USP3: variants seen among roughly 807,000 people sequenced by gnomAD.
USP3 encodes ubiquitin specific peptidase 3.
USP3 carries 20 observed loss-of-function variants against 72.3 expected under a neutral mutation model. The ratio of observed to expected loss-of-function variants is 0.28; its 90% CI spans 0.19 to 0.40. The LOEUF (loss-of-function observed/expected upper bound fraction) is 0.40. Ranked by LOEUF, USP3 falls within the 10% of genes least tolerant of loss-of-function variation. The probability of loss-of-function intolerance (pLI) is 1.00; values close to 1 mark genes in which losing one functional copy is unlikely to be tolerated. For synonymous variants in USP3, 222 were observed against 225.3 expected, an observed-to-expected ratio of 0.99 and a Z score of 0.13; for missense variants, 479 against 633.9, an observed-to-expected ratio of 0.76 and a Z score of 2.62.
chr15:63,512,293 T>C (rs926989519), intron 1 of USP3, among the ~76,000 whole-genome samples: 4 of 143,374 alleles, frequency 2.8e-5, no homozygotes, highest in African/African-American at 1.2e-4. Flanking sequence ...CTTCTTCCTC[T>C]TCTTCTTCCT....
At chr15:63,590,543 C>T in intron 14 of USP3, 118 bp from the exon 15 acceptor site, 1 of 1,025,892 alleles carries the variant, frequency 9.7e-7, no homozygotes, top group Non-Finnish European at 1.3e-6. Flanking sequence ...TAACAAGCAT[C>T]TTAAATCAAA....
At chr15:63,590,550 C>CAA in intron 14 of USP3, 111 bp from the exon 15 acceptor site, 1 of 1,062,244 alleles carries the variant, frequency 9.4e-7, no homozygotes, top group Non-Finnish European at 1.3e-6. Context: ...CATCTTAAAT[C>CAA]AAAAGTCTAG....
chr15:63,580,181 C>CA (rs2066930206), intron 11 of USP3, among the ~76,000 whole-genome samples: 1 of 151,978 alleles, frequency 6.6e-6, no homozygotes, highest in Admixed American at 6.5e-5. Context: ...AACATAGCTA[C>CA]AAAATATTGT....
In USP3 at chr15:63,583,848, C is replaced by T. The variant is rs79576443; in HGVS notation, c.1097-4457C>T. The stretch of plus-strand genomic sequence containing the variant: ...AATATTCTCTGGTATGTATAGACTA[C>T]ATTCTGTTTATCCATTCATCTGTTG... On this transcript the variant is annotated intron_variant, in intron 11 of 14. Transcript: ENST00000380324. Among the ~76,000 whole-genome samples the T allele has an allele frequency of 6.8e-3, 1,035 of 152,278 alleles. 14 individuals are homozygous for T. The highest frequency in any genetic ancestry group is 0.024 in the African/African-American group (995 of 41,540).
intron 11 of USP3, among the ~76,000 whole-genome samples, chr15:63,583,030 T>G (rs1041555735): frequency 2.0e-5 from 3 of 152,118 alleles, no homozygotes; most frequent in African/African-American, 7.2e-5. Flanking sequence ...ACCTGCCAAC[T>G]CAGTAGTAGC....
rs573557317 is a variant in USP3 at position 63,544,262 on chromosome 15, G to A, written c.284+7106G>A. ...GAGAGGGTAGTGGATACTCAGTTTT[G>A]TGGTTTATTTTTTAACTTGATTAGG... On this transcript the variant is annotated intron_variant, in intron 3 of 14. Coordinates refer to ENST00000380324, the MANE Select transcript of USP3 (RefSeq NM_006537.4). The surrounding 1 kb of genome is among the most constrained non-coding windows in gnomAD (Gnocchi z 4.2). 349 of 152,890 alleles carry A rather than the reference G, an allele frequency of 2.3e-3. No individual in the cohort carries two copies. Among genetic ancestry groups the A allele is most frequent in the Admixed American group, 3.2e-3 (50 of 15,436 alleles). The allele number at this position is 152,890 out of a possible 1,614,324, so 9.5% of individuals were successfully genotyped here. A position where few individuals can be genotyped will look rare whatever the true frequency, so the allele number is the denominator to read the frequency against.
rs142307903 is a variant in USP3 at position 63,543,693 on chromosome 15, C to T, written c.284+6537C>T. On this transcript the variant is annotated intron_variant, in intron 3 of 14. Coordinates refer to ENST00000380324, the MANE Select transcript of USP3 (RefSeq NM_006537.4). ...GGTTTTAAATTCTGCAAGATAGTGACGATGATGTAAACACAAGAAAAGGGC... is the reference window on the plus strand; with the variant it reads ...GGTTTTAAATTCTGCAAGATAGTGATGATGATGTAAACACAAGAAAAGGGC... 4.4e-3 allele frequency among the ~76,000 whole-genome samples: 673 copies of T among 152,230 alleles called. 3 individuals are homozygous for T. Among genetic ancestry groups the T allele is most frequent in the African/African-American group, 0.015 (626 of 41,526 alleles).
At chr15:63,535,723 C>G (rs2066145645) in intron 2 of USP3, among the ~76,000 whole-genome samples, 1 of 152,050 alleles carries the variant, frequency 6.6e-6, no homozygotes, top group Admixed American at 6.6e-5. Context: ...TTGAATGTGC[C>G]CAGTTTTCCT....
At chr15:63,523,620 G>A (rs570893498) in intron 1 of USP3, among the ~76,000 whole-genome samples, 2 of 152,308 alleles carry the variant, frequency 1.3e-5, no homozygotes, top group African/African-American at 4.8e-5. Context: ...CCTGGTCACT[G>A]TGCCCCTTCC....
At chr15:63,543,450 G>C (rs1349685014) in intron 3 of USP3, among the ~76,000 whole-genome samples, 1 of 152,012 alleles carries the variant, frequency 6.6e-6, no homozygotes, top group Non-Finnish European at 1.5e-5. Context: ...TATTTGGGAG[G>C]AGAAAAGAAA....
chr15:63,519,717 C>T (rs2065893111), intron 1 of USP3, among the ~76,000 whole-genome samples: 1 of 152,112 alleles, frequency 6.6e-6, no homozygotes, highest in Non-Finnish European at 1.5e-5. Context: ...ATGATTCTTG[C>T]CTGAATCAGT....
intron 11 of USP3, among the ~76,000 whole-genome samples, chr15:63,587,266 G>A (rs2067087936): frequency 6.6e-6 from 1 of 152,130 alleles, no homozygotes; most frequent in African/African-American, 2.4e-5. Flanking sequence ...GCCGTGCACA[G>A]AGACCCTGGC....
At chr15:63,547,055 C>A (rs796705848) in intron 3 of USP3, among the ~76,000 whole-genome samples, 4 of 152,014 alleles carry the variant, frequency 2.6e-5, no homozygotes, top group Non-Finnish European at 5.9e-5. Flanking sequence ...GACCTCTGAC[C>A]ACAGAGGAAA....
Position 63,530,003 on chromosome 15 carries a change from G to A in USP3, c.92-2644G>A, listed in dbSNP as rs2066043843. Among the ~76,000 whole-genome samples, 5 of 152,072 alleles carry A rather than the reference G, an allele frequency of 3.3e-5. No individual in the cohort carries two copies. In the South Asian group the frequency reaches 1.0e-3, roughly 31 times the overall value. On this transcript the variant is annotated intron_variant, in intron 1 of 14. Transcript: ENST00000380324. ...AAACAGAAAATTAGCCAGGCGTGGT[G>A]GCAGATGCCTGTAGTCCCTGCTACT...
At chr15:63,533,345 T>G (rs985330906) in intron 2 of USP3, among the ~76,000 whole-genome samples, 3 of 152,056 alleles carry the variant, frequency 2.0e-5, no homozygotes, top group Non-Finnish European at 4.4e-5. Flanking sequence ...GGACAACATC[T>G]TCTACCTCAC....
At chr15:63,534,066 A>T (rs1385808412) in intron 2 of USP3, 1 of 199,504 alleles carries the variant, frequency 5.0e-6, no homozygotes, top group Admixed American at 6.5e-5. Flanking sequence ...ACAACAAACT[A>T]AAATAGGTTT....
At chr15:63,568,531 A>AT (rs2152677051) in intron 8 of USP3, among the ~76,000 whole-genome samples, 1 of 152,328 alleles carries the variant, frequency 6.6e-6, no homozygotes, top group African/African-American at 2.4e-5. Context: ...CAGCACCCAA[A>AT]TGTGAGGACT....
At position 63,570,659 on chromosome 15, in the gene USP3, G is replaced by T; in HGVS notation, c.908+80G>T. 1 of 1,526,426 alleles carries T rather than the reference G, an allele frequency of 6.6e-7. No individual in the cohort carries two copies. The highest frequency in any genetic ancestry group is 2.3e-5 in the East Asian group (1 of 43,988). The allele number at this position is 1,526,426 out of a possible 1,614,324, so 94.6% of individuals were successfully genotyped here. ...GTTAATTATGTGTTAGATTTATAAC[G>T]GAAGGTAGAGGGGTTTCTTGGACAT... is the stretch of plus-strand genomic sequence containing the variant. On this transcript the variant is annotated intron_variant, in intron 9 of 14. Coordinates refer to ENST00000380324, the MANE Select transcript of USP3 (RefSeq NM_006537.4). This position sits in a 1 kb window ranked among gnomAD's most constrained non-coding sequence, Gnocchi z 4.4.
intron 1 of USP3, among the ~76,000 whole-genome samples, chr15:63,525,532 T>G (rs1470203021): frequency 6.6e-6 from 1 of 152,200 alleles, no homozygotes; most frequent in East Asian, 1.9e-4. Context: ...TGTAGCTTGA[T>G]TCCTTCTTTT....
Sources: gnomAD v4.1 joint callset for allele counts (sites outside exome capture counted in the v4.1 genomes callset) on GRCh38, gnomAD v4.1.1 for gene constraint, Gnocchi (gnomAD v3.1) non-coding constraint, MANE v1.5 for transcripts, NCBI Gene and HGNC (gene_info 2026-07-23, HGNC 2026-07-21) for gene names.